The following GNG12 variants were observed in gnomAD, a reference collection of about 807,000 sequenced individuals.
The protein encoded by GNG12 is G protein subunit gamma 12, also known as guanine nucleotide-binding protein G(I)/G(S)/G(O) subunit gamma-12.
For synonymous variants in GNG12, 28 were observed against 29.7 expected (o/e 0.94, Z 0.19); for missense variants, 69 against 83.8 (o/e 0.82, Z 0.69).
chr1:67,751,641 T>C (rs1646539275), intron 2 of GNG12, among the ~76,000 whole-genome samples: 1 of 152,210 alleles, frequency 6.6e-6, no homozygotes, highest in Non-Finnish European at 1.5e-5. Context: ...TCTGGGATAC[T>C]TAGGTAACCT....
At chr1:67,771,545 C>G (rs569558445) in intron 2 of GNG12, among the ~76,000 whole-genome samples, 5 of 152,202 alleles carry the variant, frequency 3.3e-5, no homozygotes, top group African/African-American at 1.2e-4. Flanking sequence ...CCTTCCTCCT[C>G]GCGAGTCCCT....
intron 2 of GNG12, among the ~76,000 whole-genome samples, chr1:67,745,600 G>A (rs192230212): frequency 5.3e-5 from 8 of 152,230 alleles, no homozygotes; most frequent in South Asian, 2.1e-4. Context: ...AATGGTGTCC[G>A]TCCCCTTATT....
intron 1 of GNG12, among the ~76,000 whole-genome samples, chr1:67,805,551 C>A (rs2100802279): frequency 6.6e-6 from 1 of 152,032 alleles, no homozygotes; most frequent in East Asian, 1.9e-4. Flanking sequence ...GTAGACTGAA[C>A]AGGGCTGAGG....
At chr1:67,729,821 T>C (rs1646408770) in intron 2 of GNG12, among the ~76,000 whole-genome samples, 2 of 152,172 alleles carry the variant, frequency 1.3e-5, no homozygotes, top group African/African-American at 2.4e-5. Context: ...CCTGAGATAA[T>C]TTGAAATTGC....
At chr1:67,736,833 C>G (rs1646455263) in intron 2 of GNG12, among the ~76,000 whole-genome samples, 1 of 152,196 alleles carries the variant, frequency 6.6e-6, no homozygotes, top group African/African-American at 2.4e-5. Flanking sequence ...CTTCAGTTTC[C>G]TCACGTAAGA....
chr1:67,717,097 A>G (rs1646329712), intron 2 of GNG12, among the ~76,000 whole-genome samples: 1 of 152,184 alleles, frequency 6.6e-6, no homozygotes, highest in African/African-American at 2.4e-5. Context: ...TCTGTATTCA[A>G]AGGCCTCCTA....
chr1:67,727,262 G>A (rs185505092), intron 2 of GNG12, among the ~76,000 whole-genome samples: 2 of 152,322 alleles, frequency 1.3e-5, no homozygotes, highest in Non-Finnish European at 2.9e-5. Flanking sequence ...GAGATCACAG[G>A]AGACCAGTAT....
At chr1:67,808,030 A>G (rs1646903082) in intron 1 of GNG12, among the ~76,000 whole-genome samples, 1 of 152,132 alleles carries the variant, frequency 6.6e-6, no homozygotes, top group Non-Finnish European at 1.5e-5. Context: ...AGTATCTCTC[A>G]TGAATGAAGA....
intron 1 of GNG12, among the ~76,000 whole-genome samples, chr1:67,820,163 C>A (rs902925401): frequency 6.6e-6 from 1 of 151,280 alleles, no homozygotes; most frequent in Non-Finnish European, 1.5e-5. Context: ...CCGAGGTGGG[C>A]GGATCATCTG....
chr1:67,782,349 A>C (rs1390092808), intron 1 of GNG12, among the ~76,000 whole-genome samples: 20 of 152,192 alleles, frequency 1.3e-4, no homozygotes, highest in Admixed American at 1.3e-3. Flanking sequence ...CAGTGGGTTA[A>C]AATGCTGGCA....
intron 1 of GNG12, among the ~76,000 whole-genome samples, chr1:67,827,042 A>G (rs139983895): frequency 6.6e-6 from 1 of 152,382 alleles, no homozygotes; most frequent in African/African-American, 2.4e-5. Context: ...GAGTTTGCAC[A>G]AAGCCATTCT....
Position 67,791,753 on chromosome 1 carries a change from C to A in GNG12, c.-76-14246G>T, listed in dbSNP as rs1430060800. On this transcript the variant is annotated intron_variant, in intron 1 of 3. Transcript: ENST00000370982. ...GACTTAAAGAGTTCCCTCTGCTGATCTGGGCTTCACACTTGCTTCCCTCCT... is the reference window on the plus strand; with the variant it reads ...GACTTAAAGAGTTCCCTCTGCTGATATGGGCTTCACACTTGCTTCCCTCCT... 2.0e-5 allele frequency among the ~76,000 whole-genome samples: 3 copies of A among 152,164 alleles called. No individual in the cohort carries two copies. The South Asian group carries it at 6.2e-4, about 32-fold the overall frequency.
intron 1 of GNG12, among the ~76,000 whole-genome samples, chr1:67,808,130 G>A (rs879823562): frequency 3.3e-5 from 5 of 152,082 alleles, no homozygotes; most frequent in Non-Finnish European, 5.9e-5. Flanking sequence ...TTACCTCAGG[G>A]TAAGTAAGGC....
At chr1:67,779,150 A>G (rs1040188561) in intron 1 of GNG12, among the ~76,000 whole-genome samples, 1 of 152,196 alleles carries the variant, frequency 6.6e-6, no homozygotes, top group Admixed American at 6.5e-5. Context: ...AGATATCCCT[A>G]TATCTGTCTC....
intron 2 of GNG12, among the ~76,000 whole-genome samples, chr1:67,714,484 G>A (rs976645192): frequency 6.6e-6 from 1 of 152,188 alleles, no homozygotes; most frequent in Non-Finnish European, 1.5e-5. Context: ...AACTGTTAAA[G>A]AGCATCAGAT....
intron 2 of GNG12, among the ~76,000 whole-genome samples, chr1:67,775,103 G>A (rs1314829300): frequency 3.3e-5 from 5 of 151,806 alleles, no homozygotes; most frequent in East Asian, 1.9e-4. Context: ...TGCCCTTTTC[G>A]GAACACTGGC....
chr1:67,817,390 C>G (rs929026707), intron 1 of GNG12, among the ~76,000 whole-genome samples: 2 of 152,166 alleles, frequency 1.3e-5, no homozygotes, highest in Non-Finnish European at 2.9e-5. Context: ...AAAGCAATAC[C>G]TACCTACCTG....
intron 2 of GNG12, among the ~76,000 whole-genome samples, chr1:67,760,255 G>A (rs1188025961): frequency 2.2e-4 from 33 of 152,132 alleles, no homozygotes; most frequent in Admixed American, 1.8e-3. Context: ...CAAAGTCCAC[G>A]CATGCAAATC....
intron 1 of GNG12, among the ~76,000 whole-genome samples, chr1:67,801,871 G>A (rs1646867707): frequency 1.3e-5 from 2 of 151,518 alleles, no homozygotes; most frequent in African/African-American, 2.4e-5. Flanking sequence ...AACCAGCATC[G>A]TTCTTCGCTC....
Sources: allele counts gnomAD v4.1 joint callset (sites outside exome capture counted in the v4.1 genomes callset), GRCh38; gene constraint gnomAD v4.1.1; transcripts MANE v1.5; gene names NCBI Gene and HGNC (gene_info 2026-07-23, HGNC 2026-07-21).